Variants in MLXIPL observed in about 807,000 individuals in gnomAD.
MLXIPL encodes the protein carbohydrate-responsive element-binding protein.
In MLXIPL, 49 loss-of-function variants were observed where a neutral mutation model predicts 81.5. The observed-to-expected ratio is 0.60, with a 90% confidence interval of 0.48 to 0.76. MLXIPL has a LOEUF of 0.76. Among genes scored for constraint, MLXIPL ranks in the 30% least tolerant of loss-of-function variants. The probability of loss-of-function intolerance (pLI) is 0.00; values close to 1 mark genes in which losing one functional copy is unlikely to be tolerated. For missense variants in MLXIPL, 1,053 were observed against 1,167.0 expected (o/e 0.90, Z 1.42); for synonymous variants, 466 against 485.5 (o/e 0.96, Z 0.53).
intron 15 of MLXIPL, among the ~76,000 whole-genome samples, chr7:73,595,394 G>A (rs1232762056): frequency 1.3e-5 from 2 of 152,082 alleles, no homozygotes; most frequent in Non-Finnish European, 2.9e-5. Context: ...CAGGGCCAAG[G>A]CTCCCCTTAC....
Position 73,596,363 on chromosome 7 carries a change from C to T in MLXIPL, c.1938+1G>A, listed in dbSNP as rs1436362537. The T allele has an allele frequency of 8.7e-6, 14 of 1,612,818 alleles. No individual in the cohort carries two copies. Among genetic ancestry groups the T allele is most frequent in the Non-Finnish European group, 1.2e-5 (14 of 1,179,870 alleles). On this transcript the variant is annotated splice_donor_variant, in intron 12 of 16. Transcript: ENST00000313375. LOFTEE classifies it high-confidence loss of function. This position sits in a 1 kb window ranked among gnomAD's most constrained non-coding sequence, Gnocchi z 4.7. ...ATCTTGGGGTGGGGGATGGTGCCCACCTTGTTGCTGTCTGGACGGCCCCGG... is the reference window on the plus strand; with the variant it reads ...ATCTTGGGGTGGGGGATGGTGCCCATCTTGTTGCTGTCTGGACGGCCCCGG...
intron 5 of MLXIPL, chr7:73,606,678 G>A (rs930198797): frequency 6.6e-5 from 27 of 408,572 alleles, no homozygotes; most frequent in East Asian, 5.8e-4. Context: ...CACCCGCCTC[G>A]GCCTCCCAAA....
chr7:73,643,981 G>A, the MLXIPL span, among the ~76,000 whole-genome samples: 2 of 151,848 alleles, frequency 1.3e-5, no homozygotes, highest in African/African-American at 4.8e-5. Context: ...TGTTGCCCAG[G>A]CTGGTCTCAA....
rs534609299 is a variant in MLXIPL, at chr7:73,612,673, T to C, written c.400+3398A>G. 9.5e-5 allele frequency among the ~76,000 whole-genome samples: 14 copies of C among 147,770 alleles called. No individual in the cohort carries two copies. The South Asian group carries it at 1.3e-3, about 13-fold the overall frequency. On this transcript the variant is annotated intron_variant, in intron 2 of 16. Coordinates refer to ENST00000313375, the MANE Select transcript of MLXIPL (RefSeq NM_032951.3). ...AAAAAAAAAAAAGTTTGTCCAGGGC[T>C]CTCAGAAAGTCAGGGCCAAGTGAAG...
At chr7:73,616,605 T>C (rs1796018906) in intron 1 of MLXIPL, among the ~76,000 whole-genome samples, 1 of 152,126 alleles carries the variant, frequency 6.6e-6, no homozygotes, top group South Asian at 2.1e-4. Flanking sequence ...CCCAGAACTT[T>C]GCGGGGCCAA....
chr7:73,607,912 A>G (rs1395051853), intron 2 of MLXIPL, among the ~76,000 whole-genome samples: 2 of 137,376 alleles, frequency 1.5e-5, no homozygotes, highest in African/African-American at 5.7e-5. Flanking sequence ...GCTGGAGTGC[A>G]ATGGCGTGAT....
In MLXIPL at chr7:73,597,154, C is replaced by T. The variant is rs1391021164; in HGVS notation, c.1603+28G>A. 9.5e-6 allele frequency: 15 copies of T among 1,583,796 alleles called. No homozygotes were observed. The Admixed American group carries it at 2.3e-4, about 24-fold the overall frequency. The stretch of plus-strand genomic sequence containing the variant: ...CCACCCCCTGGCCTCCCTCCCCAGG[C>T]TTTCCTCTCCCCGTTGCTGGCCCTC... On this transcript the variant is annotated intron_variant, in intron 9 of 16. Transcript: ENST00000313375.
upstream of MLXIPL, among the ~76,000 whole-genome samples, chr7:73,626,349 C>T (rs1430603852): frequency 6.6e-6 from 1 of 152,196 alleles, no homozygotes; most frequent in African/African-American, 2.4e-5. Flanking sequence ...GTCACCCAGG[C>T]TGGAGTGCAG....
Position 73,596,121 on chromosome 7 carries a change from T to C in MLXIPL, c.2058+32A>G. 1 of 1,608,468 alleles carries C rather than the reference T, an allele frequency of 6.2e-7. No individual in the cohort carries two copies. The highest frequency in any genetic ancestry group is 8.5e-7 in the Non-Finnish European group (1 of 1,178,764). On this transcript the variant is annotated intron_variant, in intron 13 of 16. Coordinates refer to ENST00000313375, the MANE Select transcript of MLXIPL (RefSeq NM_032951.3). This position sits in a 1 kb window ranked among gnomAD's most constrained non-coding sequence, Gnocchi z 4.7. ...GGGGTCCAGAAAGGGGCCCTGTGGT[T>C]TTGGGGGTGCCAGCCTGGGCCCGGG... is the stretch of plus-strand genomic sequence containing the variant.
intron 2 of MLXIPL, among the ~76,000 whole-genome samples, chr7:73,611,880 G>GT (rs1795710233): frequency 6.6e-6 from 1 of 152,086 alleles, no homozygotes; most frequent in South Asian, 2.1e-4. Flanking sequence ...TGAAGGAGGG[G>GT]TTTTGTCCTG....
intron 2 of MLXIPL, among the ~76,000 whole-genome samples, chr7:73,615,000 C>T (rs1795924717): frequency 6.6e-6 from 1 of 152,058 alleles, no homozygotes; most frequent in Non-Finnish European, 1.5e-5. Context: ...TTAGTAGACA[C>T]CGGGTTTCAC....
At chr7:73,598,099 C>T (rs1794499128) in intron 8 of MLXIPL, among the ~76,000 whole-genome samples, 1 of 151,984 alleles carries the variant, frequency 6.6e-6, no homozygotes, top group Non-Finnish European at 1.5e-5. Flanking sequence ...CTGATCCATC[C>T]ACCAACCAAC....
At chr7:73,641,705 T>G in the MLXIPL span, among the ~76,000 whole-genome samples, 2 of 152,124 alleles carry the variant, frequency 1.3e-5, no homozygotes, top group Admixed American at 1.3e-4. Context: ...CTCAGCTCAC[T>G]GCAACCTGCA....
At position 73,596,664 on chromosome 7, in the gene MLXIPL, C is replaced by A. The variant is rs543537586; in HGVS notation, c.1797G>T (p.Glu599Asp). The change falls in exon 11 of 17, where the codon GAG becomes GAT. Residue 599 changes from glutamate to aspartate, a missense_variant. Glu to Asp is a conservative substitution (Grantham distance 45). Around this residue, in one of 3 missense-constraint regions of MLXIPL, gnomAD observed 823 missense variants for 933.0 expected, o/e 0.88. Coordinates refer to ENST00000313375, the MANE Select transcript of MLXIPL (RefSeq NM_032951.3). This position sits in a 1 kb window ranked among gnomAD's most constrained non-coding sequence, Gnocchi z 4.7. ...CGCTGGGCGCTGGGGGTGAGAGCCG[C>A]TCCGCTTTGGGGACAAGCAGGGGCC... ...PSRPLLVPKA[E>D]RLSPPAPSGS... The A allele has an allele frequency of 3.8e-6, 6 of 1,591,472 alleles. No individual in the cohort carries two copies. The East Asian group carries it at 1.1e-4, about 30-fold the overall frequency.
Position 73,605,939 on chromosome 7 carries a change from G to T in MLXIPL, c.791C>A (p.Pro264His), listed in dbSNP as rs75949557. ...DTLFTMTQSGPSPLQLPPEDA... is the reference protein window; with the variant it reads ...DTLFTMTQSGHSPLQLPPEDA... ...CTCAGGCGGCAGCTGCAGGGGCGAA[G>T]GGCCGGACTGAGTCATGGTGAAGAG... Residue 264 changes from proline (P) to histidine (H), a missense_variant, in exon 6 of 17, where the codon CCT becomes CAT. By Grantham distance (77) the Pro-to-His change is moderately conservative (BLOSUM62 -2). Around this residue, in one of 3 missense-constraint regions of MLXIPL, gnomAD observed 823 missense variants for 933.0 expected, o/e 0.88. Coordinates refer to ENST00000313375, the MANE Select transcript of MLXIPL (RefSeq NM_032951.3). 211 of 1,594,794 alleles carry T rather than the reference G, an allele frequency of 1.3e-4. 1 individual carries two copies. The African/African-American group carries it at 2.6e-3, about 20-fold the overall frequency.
In MLXIPL at chr7:73,624,142, A is replaced by AC. The variant is rs370239468; in HGVS notation, c.293+57dup. On this transcript the variant is annotated intron_variant, in intron 1 of 16. Transcript: ENST00000313375. ...GCCCCAGCGCGCAGTCCTGCCCCGGACCCCCCCCCCATCCCCACCTGGAAG... is the reference window on the plus strand; with the variant it reads ...GCCCCAGCGCGCAGTCCTGCCCCGGACCCCCCCCCCCATCCCCACCTGGAAG... The AC allele has an allele frequency of 7.8e-3, 6,267 of 805,464 alleles. 27 individuals are homozygous for AC. Among genetic ancestry groups the AC allele is most frequent in the African/African-American group, 0.023 (982 of 43,118 alleles). The allele number at this position is 805,464 out of a possible 1,614,324, so 49.9% of individuals were successfully genotyped here. A position where few individuals can be genotyped will look rare whatever the true frequency, so the allele number is the denominator to read the frequency against.
the MLXIPL span, among the ~76,000 whole-genome samples, chr7:73,632,743 TTTCCTTCCTTCCTTCCTTCC>T: frequency 6.2e-3 from 824 of 133,936 alleles, 7 homozygotes; most frequent in African/African-American, 0.02. Flanking sequence ...TCCTTCCTTC[TTTCCTTCCTTCCTTCCTTCC>T]TTCCTTCCTT....
chr7:73,629,620 G>A, the MLXIPL span, among the ~76,000 whole-genome samples: 13 of 152,188 alleles, frequency 8.5e-5, no homozygotes, highest in Middle Eastern at 3.2e-3. Context: ...AGCTACTTGG[G>A]AGGCTGAGGT....
chr7:73,647,695 C>T, the MLXIPL span, among the ~76,000 whole-genome samples: 1 of 152,128 alleles, frequency 6.6e-6, no homozygotes, highest in African/African-American at 2.4e-5. Context: ...GAAACTGAGG[C>T]CCAGCACAGA....
Sources: gnomAD v4.1 joint callset for allele counts (sites outside exome capture counted in the v4.1 genomes callset) on GRCh38, gnomAD v4.1.1 for gene constraint, gnomAD v4.1.1 regional missense constraint, Gnocchi (gnomAD v3.1) non-coding constraint, MANE v1.5 for transcripts, NCBI Gene and HGNC (gene_info 2026-07-23, HGNC 2026-07-21) for gene names.